Variants in CAMKMT observed in about 807,000 individuals in gnomAD.
CAMKMT encodes CaM KMT.
CAMKMT carries 53 observed loss-of-function variants against 48.0 expected under a neutral mutation model. The ratio of observed to expected loss-of-function variants is 1.10; its 90% CI spans 0.89 to 1.39. The LOEUF is 1.39. Among genes scored for constraint, CAMKMT ranks in the 40% most tolerant of loss-of-function variants. The probability of loss-of-function intolerance (pLI) is 0.00; values close to 1 mark genes in which losing one functional copy is unlikely to be tolerated. For missense variants in CAMKMT, 428 were observed against 402.7 expected (o/e 1.06, Z -0.54); for synonymous variants, 165 against 152.3 (o/e 1.08, Z -0.61).
intron 3 of CAMKMT, among the ~76,000 whole-genome samples, chr2:44,614,917 C>A (rs1342163386): frequency 7.5e-6 from 1 of 132,936 alleles, no homozygotes; most frequent in Non-Finnish European, 1.6e-5. Flanking sequence ...TCACTCTAAC[C>A]AGCTCTTTGG....
chr2:44,524,534 TTCC>T (rs1282688276), intron 3 of CAMKMT, among the ~76,000 whole-genome samples: 1 of 152,132 alleles, frequency 6.6e-6, no homozygotes, highest in Non-Finnish European at 1.5e-5. Flanking sequence ...CTTTTTTTTC[TTCC>T]TCCTCTTCTT....
chr2:44,522,958 T>C (rs1194472205), intron 3 of CAMKMT, among the ~76,000 whole-genome samples: 1 of 151,528 alleles, frequency 6.6e-6, no homozygotes, highest in Non-Finnish European at 1.5e-5. Context: ...AATTTCAAGC[T>C]GTTACACAAG....
At chr2:44,400,930 G>GTATATATATA (rs755352747) in intron 3 of CAMKMT, 160 of 64,206 alleles carry the variant, frequency 2.5e-3, no homozygotes, top group African/African-American at 9.7e-3. Flanking sequence ...TTATGTGTGT[G>GTATATATATA]TATATATATA....
chr2:44,768,007 C>G (rs1573259624), intron 10 of CAMKMT, among the ~76,000 whole-genome samples: 1 of 152,210 alleles, frequency 6.6e-6, no homozygotes, highest in East Asian at 1.9e-4. Context: ...CCTCCGTCTC[C>G]TCCCTGAAAG....
In CAMKMT at chr2:44,706,321, A is replaced by G; in HGVS notation, c.472A>G (p.Thr158Ala). ...LAVCELGGGMTCLAGLMVAIS... is the reference protein window; with the variant it reads ...LAVCELGGGMACLAGLMVAIS... ...TGTGTGTGAGCTAGGGGGTGGCATG[A>G]CATGCTTGGCTGGGCTCATGGTAGG... Residue 158 changes from threonine (T) to alanine (A), a missense_variant, in exon 5 of 11, where the codon ACA becomes GCA. By Grantham distance (58) the Thr-to-Ala change is moderately conservative (BLOSUM62 0). Transcript: ENST00000378494. 6.2e-7 allele frequency: 1 copy of G among 1,613,326 alleles called. No homozygotes were observed. The highest frequency in any genetic ancestry group is 8.5e-7 in the Non-Finnish European group (1 of 1,179,528).
At chr2:44,538,452 A>C (rs1375142496) in intron 3 of CAMKMT, among the ~76,000 whole-genome samples, 1 of 152,164 alleles carries the variant, frequency 6.6e-6, no homozygotes, top group Non-Finnish European at 1.5e-5. Context: ...CATAAAAAGG[A>C]ATGAAATAAT....
intron 7 of CAMKMT, among the ~76,000 whole-genome samples, chr2:44,724,532 A>C (rs1246252477): frequency 6.6e-6 from 1 of 152,222 alleles, no homozygotes; most frequent in Non-Finnish European, 1.5e-5. Flanking sequence ...TCTGAAGCAC[A>C]GAGCATGCTT....
At chr2:44,526,359 C>A (rs1671403456) in intron 3 of CAMKMT, among the ~76,000 whole-genome samples, 1 of 152,016 alleles carries the variant, frequency 6.6e-6, no homozygotes, top group East Asian at 1.9e-4. Flanking sequence ...AGAAATAGAA[C>A]CAGTAGAGTA....
At chr2:44,446,107 C>T (rs1021590078) in intron 3 of CAMKMT, among the ~76,000 whole-genome samples, 8 of 152,100 alleles carry the variant, frequency 5.3e-5, no homozygotes, top group East Asian at 1.9e-4. Context: ...CTACCACACC[C>T]GGCTAATTTT....
intron 3 of CAMKMT, among the ~76,000 whole-genome samples, chr2:44,670,554 A>T (rs750533129): frequency 6.6e-6 from 1 of 152,208 alleles, no homozygotes; most frequent in Non-Finnish European, 1.5e-5. Flanking sequence ...CAGGAGGCTG[A>T]GGTGGGAGGA....
intron 3 of CAMKMT, among the ~76,000 whole-genome samples, chr2:44,574,969 T>G (rs777922707): frequency 2.6e-5 from 4 of 152,092 alleles, no homozygotes; most frequent in Non-Finnish European, 5.9e-5. Context: ...TTGGCCACAC[T>G]GGTCTCGAAC....
chr2:44,591,078 A>G (rs1312931172), intron 3 of CAMKMT, among the ~76,000 whole-genome samples: 1 of 151,498 alleles, frequency 6.6e-6, no homozygotes, highest in Non-Finnish European at 1.5e-5. Flanking sequence ...ATGTGGCGTT[A>G]TTTCTGAGGG....
At chr2:44,535,061 G>T (rs1365871566) in intron 3 of CAMKMT, among the ~76,000 whole-genome samples, 4 of 151,862 alleles carry the variant, frequency 2.6e-5, no homozygotes, top group Admixed American at 6.6e-5. Context: ...AATGAGAAAG[G>T]AGATATTACA....
At chr2:44,578,066 C>G (rs761052601) in intron 3 of CAMKMT, among the ~76,000 whole-genome samples, 1 of 152,156 alleles carries the variant, frequency 6.6e-6, no homozygotes, top group Non-Finnish European at 1.5e-5. Flanking sequence ...ATGCTTTTCT[C>G]TTGTAAATCT....
rs190449177 is a variant in CAMKMT, at chr2:44,541,377, A to T, written c.376+151072A>T. On this transcript the variant is annotated intron_variant, in intron 3 of 10. Transcript: ENST00000378494. ...TCAAGTCTACTCTTGGGGCTTTCAGAAGTCTTTAAAAATTTTCCTCACTTA... is the reference window on the plus strand; with the variant it reads ...TCAAGTCTACTCTTGGGGCTTTCAGTAGTCTTTAAAAATTTTCCTCACTTA... Among the ~76,000 whole-genome samples the T allele has an allele frequency of 3.0e-3, 460 of 152,256 alleles. 1 individual carries two copies. The highest frequency in any genetic ancestry group is 8.3e-3 in the African/African-American group (346 of 41,544).
chr2:44,471,359 T>C (rs1276602982), intron 3 of CAMKMT, among the ~76,000 whole-genome samples: 1 of 152,082 alleles, frequency 6.6e-6, no homozygotes, highest in African/African-American at 2.4e-5. Flanking sequence ...TTTTATGGAA[T>C]AGCCAGGCAC....
intron 9 of CAMKMT, 62 bp from the exon 10 acceptor site, chr2:44,766,368 G>A: frequency 6.3e-7 from 1 of 1,591,016 alleles, no homozygotes; most frequent in Non-Finnish European, 8.6e-7. Flanking sequence ...TTTGACCAAT[G>A]TCTGTTATGT....
chr2:44,607,370 G>T (rs1671344744), intron 3 of CAMKMT, among the ~76,000 whole-genome samples: 1 of 152,030 alleles, frequency 6.6e-6, no homozygotes, highest in South Asian at 2.1e-4. Flanking sequence ...AAGGAAGGTT[G>T]GTATATGAAT....
At chr2:44,645,865 T>C (rs191747436) in intron 3 of CAMKMT, among the ~76,000 whole-genome samples, 3 of 152,288 alleles carry the variant, frequency 2.0e-5, no homozygotes, top group African/African-American at 7.2e-5. Context: ...AAGATAATCA[T>C]TCCCAAATAC....
Sources: gnomAD v4.1 joint callset for allele counts (sites outside exome capture counted in the v4.1 genomes callset) on GRCh38, gnomAD v4.1.1 for gene constraint, MANE v1.5 for transcripts, NCBI Gene and HGNC (gene_info 2026-07-23, HGNC 2026-07-21) for gene names.